Variants in FAM185A observed in about 807,000 individuals in gnomAD.
The protein encoded by FAM185A is family with sequence similarity 185 member A.
A neutral mutation model predicts 45.7 loss-of-function variants in FAM185A; 21 were observed. The observed-to-expected ratio is 0.46, with a 90% CI of 0.33 to 0.66. The LOEUF (loss-of-function observed/expected upper bound fraction) is 0.66, where lower values mean the gene tolerates loss of function less well. Ranked by LOEUF, FAM185A falls within the 30% of genes least tolerant of loss-of-function variation. The pLI, the probability that FAM185A is intolerant of heterozygous loss-of-function variation, is 0.03. For synonymous variants in FAM185A, 117 were observed against 194.0 expected, an observed-to-expected ratio of 0.60 and a Z score of 3.30; for missense variants, 305 against 485.4, an observed-to-expected ratio of 0.63 and a Z score of 3.49.
the FAM185A span, among the ~76,000 whole-genome samples, chr7:102,836,337 T>G: frequency 1.3e-5 from 2 of 152,214 alleles, no homozygotes; most frequent in Non-Finnish European, 2.9e-5. Context: ...GAACTTTTCC[T>G]CTCTTAGAAT....
intron 5 of FAM185A, among the ~76,000 whole-genome samples, chr7:102,774,945 G>A (rs1292601819): frequency 6.6e-6 from 1 of 151,162 alleles, no homozygotes; most frequent in African/African-American, 2.4e-5. Context: ...CATGTGCCAA[G>A]CACTGAGCTA....
At chr7:102,823,166 A>G in the FAM185A span, among the ~76,000 whole-genome samples, 2 of 152,214 alleles carry the variant, frequency 1.3e-5, no homozygotes, top group Non-Finnish European at 1.5e-5. Context: ...ATTTTTTAGT[A>G]ATACCTGTCA....
In FAM185A at chr7:102,792,950, G is replaced by A. The variant is rs114861237; in HGVS notation, c.1066+5481G>A. Among the ~76,000 whole-genome samples, 997 of 152,218 alleles carry A rather than the reference G, an allele frequency of 6.5e-3. 8 individuals carry two copies. The highest frequency in any genetic ancestry group is 0.023 in the African/African-American group (936 of 41,532). On this transcript the variant is annotated intron_variant, in intron 7 of 7. Transcript: ENST00000413034. The stretch of plus-strand genomic sequence containing the variant: ...AGAGACACTGTTTTCTCTCCAAATC[G>A]GGAAAAATCCAGTCTTTTGATATGA...
At chr7:102,817,091 T>C in the FAM185A span, among the ~76,000 whole-genome samples, 1 of 152,220 alleles carries the variant, frequency 6.6e-6, no homozygotes, top group Non-Finnish European at 1.5e-5. Flanking sequence ...GTCTTTTTGA[T>C]AGAATTATTT....
In FAM185A at chr7:102,777,267, T is replaced by C; in HGVS notation, c.850T>C (p.Cys284Arg). 1 of 1,548,076 alleles carries C rather than the reference T, an allele frequency of 6.5e-7. No individual in the cohort carries two copies. The highest frequency in any genetic ancestry group is 8.7e-7 in the Non-Finnish European group (1 of 1,145,526). ...GNITVDSSSG[C>R]LKASTNQGAI... is the part of the protein sequence containing the mutation. ...CTTCTTCCTAGATTCGTCTTCTGGA[T>C]GTCTAAAAGCCTCAACTAATCAGGG... The change falls in exon 6 of 8, where the codon TGT becomes CGT. Residue 284 changes from cysteine to arginine, a missense_variant. Physicochemically the swap from Cys to Arg is radical, Grantham distance 180. Around this residue, in one of 5 missense-constraint regions of FAM185A, gnomAD observed 44 missense variants for 66.8 expected, o/e 0.66. Transcript: ENST00000413034.
intron 2 of FAM185A, among the ~76,000 whole-genome samples, chr7:102,753,164 G>A (rs905986382): frequency 6.6e-5 from 10 of 152,060 alleles, no homozygotes; most frequent in Admixed American, 2.0e-4. Flanking sequence ...TCTTCATGTT[G>A]AATGACTAGG....
chr7:102,846,798 C>T, the FAM185A span, among the ~76,000 whole-genome samples: 1 of 151,200 alleles, frequency 6.6e-6, no homozygotes, highest in Non-Finnish European at 1.5e-5. Context: ...CAGCCACAGG[C>T]CACCTATGCA....
At chr7:102,833,399 A>G in the FAM185A span, among the ~76,000 whole-genome samples, 1 of 150,714 alleles carries the variant, frequency 6.6e-6, no homozygotes, top group African/African-American at 2.4e-5. Context: ...ATTACCTCTT[A>G]AATCTTAGCA....
downstream of FAM185A, among the ~76,000 whole-genome samples, chr7:102,811,535 A>G (rs375814086): frequency 2.0e-5 from 3 of 152,160 alleles, no homozygotes; most frequent in East Asian, 5.8e-4. Flanking sequence ...AAAGGATGTT[A>G]CTCAAAGAGC....
In FAM185A at chr7:102,757,845, G is replaced by T; in HGVS notation, c.562-9G>T. The T allele has an allele frequency of 6.5e-7, 1 of 1,537,114 alleles. No homozygotes were observed. The highest frequency in any genetic ancestry group is 8.8e-7 in the Non-Finnish European group (1 of 1,138,634). On this transcript the variant is annotated splice_polypyrimidine_tract_variant and intron_variant, in intron 2 of 7. Transcript: ENST00000413034. ...TTTCACTATATGTATTTTTAAATTT[G>T]TCTTTCAGGGTCAAAAATTGCATGT...
chr7:102,821,550 AT>A, the FAM185A span, among the ~76,000 whole-genome samples: 2 of 152,266 alleles, frequency 1.3e-5, no homozygotes, highest in East Asian at 3.9e-4. Context: ...CATAGTATTA[AT>A]TTTTCACATC....
the FAM185A span, among the ~76,000 whole-genome samples, chr7:102,825,251 TG>T: frequency 7.2e-5 from 11 of 152,004 alleles, no homozygotes; most frequent in South Asian, 2.1e-4. Context: ...TATTGAGAGG[TG>T]GGGCCCTTAA....
intron 2 of FAM185A, among the ~76,000 whole-genome samples, chr7:102,752,556 C>CA (rs1347745352): frequency 1.3e-5 from 2 of 151,936 alleles, no homozygotes; most frequent in African/African-American, 4.8e-5. Flanking sequence ...AGGCATGAGC[C>CA]ACTGCGTCCG....
At chr7:102,798,631 G>A (rs1796585553) in intron 7 of FAM185A, among the ~76,000 whole-genome samples, 1 of 152,124 alleles carries the variant, frequency 6.6e-6, no homozygotes, top group Non-Finnish European at 1.5e-5. Context: ...TACTATTATT[G>A]ATGCTTTATT....
At chr7:102,835,651 C>T in the FAM185A span, among the ~76,000 whole-genome samples, 1 of 125,628 alleles carries the variant, frequency 8.0e-6, no homozygotes, top group Non-Finnish European at 1.6e-5. Context: ...GCTCTGTCGC[C>T]CAGGCTGGAG....
chr7:102,790,081 AT>A lies in FAM185A; in HGVS notation c.1066+2623del, dbSNP rs1039126785. Among the ~76,000 whole-genome samples, 136 of 147,956 alleles carry A rather than the reference AT, an allele frequency of 9.2e-4. 1 individual carries two copies. The highest frequency in any genetic ancestry group is 1.2e-3 in the East Asian group (6 of 5,086). ...TACCTGAGGCTGTTGTATCGTAACT[AT>A]TTTTTTTTTTAATAAGCAGAAGATA... On this transcript the variant is annotated intron_variant, in intron 7 of 7. Transcript: ENST00000413034.
intron 7 of FAM185A, among the ~76,000 whole-genome samples, chr7:102,805,780 G>C (rs1486694366): frequency 6.6e-6 from 1 of 152,130 alleles, no homozygotes; most frequent in Non-Finnish European, 1.5e-5. Context: ...ATATTGGTCT[G>C]ACCTAAAAAG....
chr7:102,799,919 T>G (rs1475602420), intron 7 of FAM185A, among the ~76,000 whole-genome samples: 1 of 151,960 alleles, frequency 6.6e-6, no homozygotes, highest in Non-Finnish European at 1.5e-5. Context: ...GCGTCATGAA[T>G]TTTAGCTCCA....
At position 102,749,396 on chromosome 7, in the gene FAM185A, T is replaced by C. The variant is rs557587343; in HGVS notation, c.189T>C (p.Thr63=). The C allele has an allele frequency of 1.3e-5, 20 of 1,548,418 alleles. No individual in the cohort carries two copies. Among genetic ancestry groups the C allele is most frequent in the East Asian group, 7.3e-5 (3 of 40,898 alleles). Reference sequence around the variant, plus strand: ...CTCCGCCTGGCCCGGGGCGCCGAACTCTGAAGGAGTGGACACTGCAGGTGA... The same window carrying C: ...CTCCGCCTGGCCCGGGGCGCCGAACCCTGAAGGAGTGGACACTGCAGGTGA... ...EVPPPGPGRR[T]LKEWTLQVSP... Residue 63 remains threonine (T), a synonymous_variant, in exon 1 of 8, where the codon ACT becomes ACC. Coordinates refer to ENST00000413034, the MANE Select transcript of FAM185A (RefSeq NM_001145268.2).
Sources: gnomAD v4.1 joint callset for allele counts (sites outside exome capture counted in the v4.1 genomes callset) on GRCh38, gnomAD v4.1.1 for gene constraint, gnomAD v4.1.1 regional missense constraint, MANE v1.5 for transcripts, NCBI Gene and HGNC (gene_info 2026-07-23, HGNC 2026-07-21) for gene names.